WDR7: variants seen among roughly 807,000 people sequenced by gnomAD.
WDR7 encodes the protein WD repeat-containing protein 7.
In WDR7, 46 loss-of-function variants were observed where a neutral mutation model predicts 169.4. The observed-to-expected ratio is 0.27, with a 90% CI of 0.21 to 0.35. The LOEUF is 0.35. Among genes scored for constraint, WDR7 ranks in the 10% least tolerant of loss-of-function variants. The pLI is 1.00. For missense variants in WDR7, 1,534 were observed against 1,859.3 expected (o/e 0.83, Z 3.22); for synonymous variants, 612 against 666.8 (o/e 0.92, Z 1.27).
chr18:56,790,679 A>C (rs1370187704), intron 19 of WDR7, among the ~76,000 whole-genome samples: 1 of 151,404 alleles, frequency 6.6e-6, no homozygotes, highest in East Asian at 1.9e-4. Context: ...TTTATATTTT[A>C]TTTTTCCTTA....
intron 21 of WDR7, among the ~76,000 whole-genome samples, chr18:56,920,071 T>G (rs1416154771): frequency 6.6e-6 from 1 of 152,062 alleles, no homozygotes; most frequent in Admixed American, 6.6e-5. Context: ...CTTCACCTAT[T>G]TATCCCTTCC....
Position 56,879,932 on chromosome 18 carries a change from T to G in WDR7, c.3305-12T>G. 1 of 1,594,508 alleles carries G rather than the reference T, an allele frequency of 6.3e-7. No homozygotes were observed. The highest frequency in any genetic ancestry group is 8.6e-7 in the Non-Finnish European group (1 of 1,163,642). ...TTTGTTCTAAGTTGAGATTCTATGT[T>G]TTGGTCTTCAGGTTGCTTATCAAGT... is the stretch of plus-strand genomic sequence containing the variant. On this transcript the variant is annotated splice_polypyrimidine_tract_variant and intron_variant, in intron 20 of 27. Coordinates refer to ENST00000254442, the MANE Select transcript of WDR7 (RefSeq NM_015285.3).
At chr18:56,880,970 A>C (rs1030444967) in intron 21 of WDR7, among the ~76,000 whole-genome samples, 1 of 152,234 alleles carries the variant, frequency 6.6e-6, no homozygotes, top group Non-Finnish European at 1.5e-5. Context: ...ATATAGTCCA[A>C]CTGAATACAT....
At chr18:56,852,962 G>T (rs573693491) in intron 20 of WDR7, among the ~76,000 whole-genome samples, 3 of 152,050 alleles carry the variant, frequency 2.0e-5, no homozygotes, top group African/African-American at 7.2e-5. Context: ...AGTTACCATA[G>T]GCACACATGC....
intron 1 of WDR7, 141 bp from the exon 2 acceptor site, chr18:56,672,356 A>G (rs2025154276): frequency 2.4e-6 from 1 of 419,438 alleles, no homozygotes; most frequent in East Asian, 5.4e-5. Context: ...TTTTTTTTTG[A>G]AAATAATAAA....
intron 2 of WDR7, among the ~76,000 whole-genome samples, chr18:56,672,981 A>G (rs2025168266): frequency 6.6e-6 from 1 of 152,186 alleles, no homozygotes; most frequent in African/African-American, 2.4e-5. Flanking sequence ...GAAAATTTAA[A>G]ACACTTAAAA....
intron 19 of WDR7, among the ~76,000 whole-genome samples, chr18:56,815,203 A>G (rs1382316884): frequency 6.6e-6 from 1 of 152,200 alleles, no homozygotes; most frequent in Admixed American, 6.5e-5. Flanking sequence ...ATTTGGTTAG[A>G]AAGTTTAACT....
chr18:56,863,254 A>G (rs2045834629), intron 20 of WDR7, among the ~76,000 whole-genome samples: 1 of 151,802 alleles, frequency 6.6e-6, no homozygotes, highest in Admixed American at 6.6e-5. Context: ...ATTTAATTGT[A>G]GGGATAATAA....
At chr18:56,838,658 A>C (rs2045432239) in intron 20 of WDR7, among the ~76,000 whole-genome samples, 1 of 152,188 alleles carries the variant, frequency 6.6e-6, no homozygotes, top group Admixed American at 6.5e-5. Context: ...GGAAAAAGAC[A>C]CAGCCTGTAT....
At chr18:56,699,761 A>C (rs954012857) in intron 12 of WDR7, 2 of 941,994 alleles carry the variant, frequency 2.1e-6, no homozygotes, top group African/African-American at 3.5e-5. Context: ...GTACTCAGCT[A>C]AATAATTCAT....
At chr18:56,716,880 C>A (rs1212731202) in intron 12 of WDR7, among the ~76,000 whole-genome samples, 1 of 152,158 alleles carries the variant, frequency 6.6e-6, no homozygotes, top group African/African-American at 2.4e-5. Context: ...CACATTTGAC[C>A]ACACTTTCCT....
chr18:56,812,881 C>T (rs1360938993), intron 19 of WDR7, among the ~76,000 whole-genome samples: 2 of 152,010 alleles, frequency 1.3e-5, no homozygotes, highest in African/African-American at 4.8e-5. Flanking sequence ...TCCCAGGAAA[C>T]ACCGTCACAC....
intron 20 of WDR7, among the ~76,000 whole-genome samples, chr18:56,826,184 A>G (rs2045200436): frequency 6.6e-6 from 1 of 152,178 alleles, no homozygotes; most frequent in African/African-American, 2.4e-5. Flanking sequence ...ATTACATTAG[A>G]TTGTGGCACA....
intron 12 of WDR7, 140 bp from the exon 13 acceptor site, chr18:56,717,824 C>A: frequency 2.9e-6 from 2 of 684,082 alleles, no homozygotes; most frequent in Admixed American, 3.5e-5. Context: ...AAGGAACATA[C>A]TTTTCAACAT....
chr18:56,675,527 A>T (rs1368295131), intron 2 of WDR7, among the ~76,000 whole-genome samples: 1 of 152,064 alleles, frequency 6.6e-6, no homozygotes, highest in East Asian at 1.9e-4. Flanking sequence ...GCTGGTGTAT[A>T]GAAATACATT....
chr18:56,743,940 C>G (rs58707269), intron 14 of WDR7, among the ~76,000 whole-genome samples: 6 of 152,132 alleles, frequency 3.9e-5, no homozygotes, highest in East Asian at 3.9e-4. Context: ...AACCTTATTT[C>G]TGAAACTGAA....
intron 11 of WDR7, among the ~76,000 whole-genome samples, chr18:56,695,912 A>G (rs1476718450): frequency 6.6e-6 from 1 of 152,224 alleles, no homozygotes; most frequent in Non-Finnish European, 1.5e-5. Flanking sequence ...TATATAACCC[A>G]ATATAGCAAA....
At position 56,815,503 on chromosome 18, in the gene WDR7, A is replaced by G. The variant is rs2044949689; in HGVS notation, c.3191-528A>G. Among the ~76,000 whole-genome samples, 4 of 152,204 alleles carry G rather than the reference A, an allele frequency of 2.6e-5. No individual in the cohort carries two copies. In the South Asian group the frequency reaches 8.3e-4, roughly 31 times the overall value. ...TTCAGTTAATTTCTTTCATTGTGAT[A>G]ATTACGTGACCTTATATCGAATTCC... On this transcript the variant is annotated intron_variant, in intron 19 of 27. Transcript: ENST00000254442.
chr18:56,679,027 C>A (rs2025303186), intron 2 of WDR7, among the ~76,000 whole-genome samples: 1 of 152,232 alleles, frequency 6.6e-6, no homozygotes, highest in Non-Finnish European at 1.5e-5. Flanking sequence ...ACACCTGAAG[C>A]CAGCATAGCA....
Sources: gnomAD v4.1 joint callset for allele counts (sites outside exome capture counted in the v4.1 genomes callset) on GRCh38, gnomAD v4.1.1 for gene constraint, MANE v1.5 for transcripts, NCBI Gene and HGNC (gene_info 2026-07-23, HGNC 2026-07-21) for gene names.